LARGE1: variants seen among roughly 807,000 people sequenced by gnomAD.
The protein encoded by LARGE1 is LARGE xylosyl- and glucuronyltransferase 1.
Under a neutral mutation model 87.6 loss-of-function variants are expected in LARGE1, and 43 were observed. The ratio of observed to expected loss-of-function variants is 0.49; its 90% CI spans 0.38 to 0.63. LARGE1 has a LOEUF of 0.63. Ranked by LOEUF, LARGE1 falls within the 30% of genes least tolerant of loss-of-function variation. LARGE1 has a pLI of 0.00. For synonymous variants in LARGE1, 434 were observed against 394.6 expected (o/e 1.10, Z -1.18); for missense variants, 802 against 1,000.2 (o/e 0.80, Z 2.67).
upstream of LARGE1, among the ~76,000 whole-genome samples, chr22:33,922,064 G>A (rs541942578): frequency 6.6e-6 from 1 of 152,168 alleles, no homozygotes. Context: ...CTTCCCCCCG[G>A]GTCTCCACCT....
At position 33,839,907 on chromosome 22, in the gene LARGE1, G is replaced by A. The variant is rs141247341; in HGVS notation, c.-82-78349C>T. ...AGAAGATCACCTGGACCCAGGAAAC[G>A]TGGGGGCTCCAGGCTTCAAACCCAG... On this transcript the variant is annotated intron_variant, in intron 1 of 14. Transcript: ENST00000397394. Among the ~76,000 whole-genome samples the A allele has an allele frequency of 1.7e-3, 264 of 152,288 alleles. 1 individual carries two copies. The highest frequency in any genetic ancestry group is 0.014 in the Admixed American group (207 of 15,298).
intron 7 of LARGE1, among the ~76,000 whole-genome samples, chr22:33,404,694 A>C (rs1308269743): frequency 1.3e-5 from 2 of 152,218 alleles, no homozygotes; most frequent in African/African-American, 4.8e-5. Context: ...AATCGTTTAA[A>C]CAGAATGTGC....
chr22:33,197,677 G>C (rs1924149760), intron 11 of LARGE1, among the ~76,000 whole-genome samples: 1 of 152,036 alleles, frequency 6.6e-6, no homozygotes, highest in Admixed American at 6.6e-5. Context: ...TTTCTAAAAT[G>C]GGAGTCTCAA....
At chr22:33,312,682 T>C (rs933776504) in intron 11 of LARGE1, among the ~76,000 whole-genome samples, 4 of 152,148 alleles carry the variant, frequency 2.6e-5, no homozygotes, top group African/African-American at 9.7e-5. Context: ...GAGCCAGTGA[T>C]GGTTGGAGAA....
At chr22:33,139,985 G>T in the LARGE1 span, among the ~76,000 whole-genome samples, 14 of 152,242 alleles carry the variant, frequency 9.2e-5, no homozygotes, top group Non-Finnish European at 1.5e-4. Context: ...GGGCTGGAGG[G>T]CTGCCTCTGG....
Position 33,761,435 on chromosome 22 carries a change from G to C in LARGE1, c.42C>G (p.Ala14=). Residue 14 remains alanine (A), a synonymous_variant, in exon 2 of 15, where the codon GCC becomes GCG. Transcript: ENST00000397394. ...CTGGGATGCAGAGAAGACTCAACGA[G>C]GCAGCCAAGAATTTCCGTCTCCCCC... ...ICRGRRKFLA[A]SLSLLCIPAI... The C allele has an allele frequency of 1.2e-6, 2 of 1,614,020 alleles. No homozygotes were observed. Among genetic ancestry groups the C allele is most frequent in the African/African-American group, 2.7e-5 (2 of 75,014 alleles).
At chr22:33,646,857 A>G (rs1357683991) in intron 3 of LARGE1, among the ~76,000 whole-genome samples, 2 of 152,176 alleles carry the variant, frequency 1.3e-5, no homozygotes, top group Non-Finnish European at 2.9e-5. Context: ...CCTCCCAAGT[A>G]GCTGGGATTT....
chr22:33,635,837 G>A (rs1165995980), intron 3 of LARGE1, among the ~76,000 whole-genome samples: 1 of 152,200 alleles, frequency 6.6e-6, no homozygotes, highest in East Asian at 1.9e-4. Flanking sequence ...ATCTAAATCT[G>A]TCCACTCTAA....
chr22:33,344,591 C>G (rs934541114), intron 9 of LARGE1, among the ~76,000 whole-genome samples: 1 of 152,126 alleles, frequency 6.6e-6, no homozygotes, highest in Non-Finnish European at 1.5e-5. Context: ...GCTCTTTCCA[C>G]TAAACCACAT....
chr22:33,735,252 C>A (rs1350021847), intron 2 of LARGE1, among the ~76,000 whole-genome samples: 1 of 152,154 alleles, frequency 6.6e-6, no homozygotes, highest in African/African-American at 2.4e-5. Flanking sequence ...GTTGCTGCAC[C>A]TAGGGACTCG....
chr22:33,753,446 C>A (rs1387684955), intron 2 of LARGE1, among the ~76,000 whole-genome samples: 1 of 152,104 alleles, frequency 6.6e-6, no homozygotes, highest in African/African-American at 2.4e-5. Flanking sequence ...CTGGAGCCTA[C>A]AGAAGGAACC....
chr22:33,852,513 C>G (rs1186032476), intron 1 of LARGE1, among the ~76,000 whole-genome samples: 1 of 151,718 alleles, frequency 6.6e-6, no homozygotes, highest in Non-Finnish European at 1.5e-5. Context: ...AAAATAAACA[C>G]AACAAATTTA....
At position 33,785,254 on chromosome 22, in the gene LARGE1, C is replaced by CATACAT. The variant is rs1455174518; in HGVS notation, c.-82-23697_-82-23696insATGTAT. Among the ~76,000 whole-genome samples the CATACAT allele has an allele frequency of 7.6e-5, 11 of 145,008 alleles. No individual in the cohort carries two copies. In the East Asian group the frequency reaches 1.6e-3, roughly 22 times the overall value. On this transcript the variant is annotated intron_variant, in intron 1 of 14. Coordinates refer to ENST00000397394, the MANE Select transcript of LARGE1 (RefSeq NM_133642.5). ...GTATACATACATATGTGTATATATG[C>CATACAT]ATGTGTATATGTGCATATGTGTATA...
chr22:33,374,858 G>A (rs2064940270), intron 9 of LARGE1, among the ~76,000 whole-genome samples: 1 of 151,970 alleles, frequency 6.6e-6, no homozygotes, highest in Non-Finnish European at 1.5e-5. Flanking sequence ...CATGTTAATT[G>A]CTTATTATAA....
At chr22:33,891,478 T>C (rs1338447329) in intron 1 of LARGE1, among the ~76,000 whole-genome samples, 1 of 151,828 alleles carries the variant, frequency 6.6e-6, no homozygotes, top group Non-Finnish European at 1.5e-5. Flanking sequence ...TGCCATTCTA[T>C]TAGGAGAGAC....
the LARGE1 span, among the ~76,000 whole-genome samples, chr22:33,155,591 G>A: frequency 3.3e-5 from 5 of 152,098 alleles, no homozygotes; most frequent in Non-Finnish European, 7.3e-5. Flanking sequence ...GCTGTTAAAG[G>A]CATTCCGTTT....
intron 12 of LARGE1, among the ~76,000 whole-genome samples, chr22:33,291,038 C>CAA (rs538205175): frequency 5.2e-5 from 7 of 134,652 alleles, no homozygotes; most frequent in South Asian, 4.8e-4. Context: ...GACTCCATCT[C>CAA]AAAAAAAAAA....
At position 33,305,654 on chromosome 22, in the gene LARGE1, C is replaced by G. The variant is rs1602331532; in HGVS notation, c.1452-1147G>C. 3.1e-6 allele frequency: 3 copies of G among 954,074 alleles called. No homozygotes were observed. In the Admixed American group the frequency reaches 1.8e-4, roughly 59 times the overall value. The allele number at this position is 954,074 out of a possible 1,614,324, so 59.1% of individuals were successfully genotyped here. On this transcript the variant is annotated intron_variant, in intron 11 of 14. Transcript: ENST00000397394. ...AACAAAAGGAAATGGGCACACCTAT[C>G]TTGTTTCAATGGCCTTTTTGATGAC... is the stretch of plus-strand genomic sequence containing the variant.
chr22:33,843,157 G>C (rs996040869), intron 1 of LARGE1, among the ~76,000 whole-genome samples: 3 of 152,092 alleles, frequency 2.0e-5, no homozygotes, highest in Non-Finnish European at 4.4e-5. Flanking sequence ...TTCCCTGCTT[G>C]TGAATGGGTC....
Sources: gnomAD v4.1 joint callset for allele counts (sites outside exome capture counted in the v4.1 genomes callset) on GRCh38, gnomAD v4.1.1 for gene constraint, MANE v1.5 for transcripts, NCBI Gene and HGNC (gene_info 2026-07-23, HGNC 2026-07-21) for gene names.